Variants in FBN2 observed in about 807,000 individuals in gnomAD.
FBN2 encodes fibrillin-2.
In FBN2, 105 loss-of-function variants were observed where a neutral mutation model predicts 355.6. The observed-to-expected ratio is 0.30, with a 90% CI of 0.25 to 0.35. The LOEUF (loss-of-function observed/expected upper bound fraction) is 0.35. Among genes scored for constraint, FBN2 ranks in the 10% least tolerant of loss-of-function variants. FBN2 has a pLI of 1.00. For synonymous variants in FBN2, 1,350 were observed against 1,301.2 expected, an observed-to-expected ratio of 1.04 and a Z score of -0.81; for missense variants, 3,280 against 3,758.7, an observed-to-expected ratio of 0.87 and a Z score of 3.33.
In FBN2 at chr5:128,537,909, C is replaced by T; in HGVS notation, c.-306G>A. The T allele has an allele frequency of 2.1e-6, 1 of 471,370 alleles. No homozygotes were observed. The highest frequency in any genetic ancestry group is 3.7e-6 in the Non-Finnish European group (1 of 267,862). The allele number at this position is 471,370 out of a possible 1,614,324, so 29.2% of individuals were successfully genotyped here. A position where few individuals can be genotyped will look rare whatever the true frequency, so the allele number is the denominator to read the frequency against. On this transcript the variant is annotated 5_prime_UTR_variant, in exon 1 of 65. Coordinates refer to ENST00000262464, the MANE Select transcript of FBN2 (RefSeq NM_001999.4). ...CCTAAAGCCCCGAGCGACTCCAGGACCGTCAGCGGGCGGGGGAGGAAATTA... is the reference window on the plus strand; with the variant it reads ...CCTAAAGCCCCGAGCGACTCCAGGATCGTCAGCGGGCGGGGGAGGAAATTA...
At chr5:128,345,256 A>G (rs1581231231) in intron 24 of FBN2, 101 bp downstream of exon 24, 2 of 961,934 alleles carry the variant, frequency 2.1e-6, no homozygotes, top group Non-Finnish European at 3.4e-6. Context: ...CTGAGAAAAT[A>G]AAGTGGGAAG....
chr5:128,341,474 C>A (rs1331674200), intron 25 of FBN2, among the ~76,000 whole-genome samples: 5 of 152,168 alleles, frequency 3.3e-5, no homozygotes. Flanking sequence ...ACTTACTCCC[C>A]CTCCCCGTCA....
At chr5:128,475,987 C>T (rs1261651076) in intron 5 of FBN2, among the ~76,000 whole-genome samples, 1 of 152,116 alleles carries the variant, frequency 6.6e-6, no homozygotes, top group African/African-American at 2.4e-5. Context: ...TAAATTATTC[C>T]TACAATCTCA....
At chr5:128,405,042 G>A (rs575658260) in intron 8 of FBN2, among the ~76,000 whole-genome samples, 2 of 152,188 alleles carry the variant, frequency 1.3e-5, no homozygotes, top group East Asian at 3.9e-4. Flanking sequence ...GTAGTGGTGG[G>A]TGCCTGTAAT....
At chr5:128,513,678 T>C (rs1019082941) in intron 5 of FBN2, among the ~76,000 whole-genome samples, 5 of 152,238 alleles carry the variant, frequency 3.3e-5, no homozygotes, top group African/African-American at 1.2e-4. Flanking sequence ...CTCTCCCAGG[T>C]AGATCAATCA....
chr5:128,404,142 G>T (rs764694504), intron 8 of FBN2, among the ~76,000 whole-genome samples: 1 of 152,146 alleles, frequency 6.6e-6, no homozygotes, highest in African/African-American at 2.4e-5. Flanking sequence ...AATAAATAGC[G>T]TGCAAATATC....
At position 128,311,882 on chromosome 5, in the gene FBN2, C is replaced by T; in HGVS notation, c.4948+3G>A. On this transcript the variant is annotated splice_donor_region_variant and intron_variant, in intron 38 of 64. Transcript: ENST00000262464. ...AATCTGGGTGACAATGGGATTAGCT[C>T]ACCTTCTAAAATGATTGTGATGGGG... 1 of 1,604,118 alleles carries T rather than the reference C, an allele frequency of 6.2e-7. No individual in the cohort carries two copies. The highest frequency in any genetic ancestry group is 1.1e-5 in the South Asian group (1 of 90,848).
At chr5:128,388,592 T>A (rs1266153925) in intron 11 of FBN2, among the ~76,000 whole-genome samples, 1 of 152,232 alleles carries the variant, frequency 6.6e-6, no homozygotes, top group Non-Finnish European at 1.5e-5. Context: ...CCTTCACGTA[T>A]GAAGCTTGTT....
rs1554066010 is a variant in FBN2 at position 128,393,202 on chromosome 5, G to A, written c.1398C>T (p.Gly466=). 13 of 1,614,158 alleles carry A rather than the reference G, an allele frequency of 8.1e-6. No homozygotes were observed. Among genetic ancestry groups the A allele is most frequent in the Non-Finnish European group, 1.1e-5 (13 of 1,180,016 alleles). The stretch of plus-strand genomic sequence containing the variant: ...CGGCTCCCCCAACGCCAGGAGAAAA[G>A]CCATTGCCTCCAGGGATGGGGATGA... ...TGFIPIPGGN[G]FSPGVGGAGV... The change falls in exon 10 of 65, where the codon GGC becomes GGT. Residue 466 remains glycine, a synonymous_variant. Transcript: ENST00000262464.
At chr5:128,317,518 A>C (rs1416002574) in intron 36 of FBN2, among the ~76,000 whole-genome samples, 1 of 152,172 alleles carries the variant, frequency 6.6e-6, no homozygotes, top group East Asian at 1.9e-4. Context: ...ATTTCTACTC[A>C]AGCAAGGAAT....
chr5:128,432,739 T>C (rs777006935), intron 7 of FBN2, among the ~76,000 whole-genome samples: 23 of 152,158 alleles, frequency 1.5e-4, no homozygotes, highest in Non-Finnish European at 2.6e-4. Flanking sequence ...ATAAAACTAG[T>C]ATTTTATTTT....
chr5:128,461,085 A>C (rs1311284668), intron 6 of FBN2, among the ~76,000 whole-genome samples: 3 of 152,170 alleles, frequency 2.0e-5, no homozygotes, highest in African/African-American at 4.8e-5. Context: ...AATGGGAGAA[A>C]ATTTTTGCAA....
At chr5:128,496,771 A>G (rs1274739319) in intron 5 of FBN2, among the ~76,000 whole-genome samples, 2 of 151,754 alleles carry the variant, frequency 1.3e-5, no homozygotes, top group Non-Finnish European at 2.9e-5. Context: ...AATATACATT[A>G]TGAAAAAATA....
chr5:128,328,664 C>G, intron 34 of FBN2, 32 bp downstream of exon 34: 1 of 1,613,356 alleles, frequency 6.2e-7, no homozygotes, highest in Non-Finnish European at 8.5e-7. Flanking sequence ...GTTGATCCAA[C>G]TTGAAAATGA....
chr5:128,489,938 C>A (rs1389459442), intron 5 of FBN2, among the ~76,000 whole-genome samples: 4 of 152,098 alleles, frequency 2.6e-5, no homozygotes, highest in Admixed American at 2.6e-4. Flanking sequence ...GTACAAAGAC[C>A]ACATATGTAG....
chr5:128,407,675 G>A (rs1305354114), intron 8 of FBN2, among the ~76,000 whole-genome samples: 3 of 152,178 alleles, frequency 2.0e-5, no homozygotes, highest in African/African-American at 4.8e-5. Flanking sequence ...TGGATGACCT[G>A]ATATATCAGT....
chr5:128,306,699 GAATT>G (rs1181537862), intron 42 of FBN2, among the ~76,000 whole-genome samples: 1 of 152,018 alleles, frequency 6.6e-6, no homozygotes, highest in African/African-American at 2.4e-5. Context: ...CATTTAGAAG[GAATT>G]AATTAATATG....
intron 5 of FBN2, among the ~76,000 whole-genome samples, chr5:128,512,542 A>G (rs1756159446): frequency 6.6e-6 from 1 of 150,818 alleles, no homozygotes; most frequent in South Asian, 2.1e-4. Context: ...AAAGCATATC[A>G]GATCTTGGCT....
intron 5 of FBN2, among the ~76,000 whole-genome samples, chr5:128,475,903 TTAA>T (rs1321281120): frequency 1.3e-5 from 2 of 152,138 alleles, no homozygotes; most frequent in African/African-American, 4.8e-5. Flanking sequence ...AAGATAAAAC[TTAA>T]TAATAGCCTG....
Sources: gnomAD v4.1 joint callset for allele counts (sites outside exome capture counted in the v4.1 genomes callset) on GRCh38, gnomAD v4.1.1 for gene constraint, MANE v1.5 for transcripts, NCBI Gene and HGNC (gene_info 2026-07-23, HGNC 2026-07-21) for gene names.